The following ZNF678 variants were observed in gnomAD, a reference collection of about 807,000 sequenced individuals.
ZNF678 encodes the protein hypothetical protein MGC42493.
In ZNF678, 5 loss-of-function variants were observed where a neutral mutation model predicts 3.0. The observed-to-expected ratio is 1.69, with a 90% CI of 0.88 to 3.56. The LOEUF (loss-of-function observed/expected upper bound fraction) is 3.56. Ranked by LOEUF, ZNF678 falls within the 30% of genes most tolerant of loss-of-function variation. The pLI, the probability that ZNF678 is intolerant of heterozygous loss-of-function variation, is 0.00. For missense variants in ZNF678, 593 were observed against 605.0 expected, an observed-to-expected ratio of 0.98 and a Z score of 0.21; for synonymous variants, 218 against 199.6, an observed-to-expected ratio of 1.09 and a Z score of -0.78.
intron 1 of ZNF678, among the ~76,000 whole-genome samples, chr1:227,625,991 C>G (rs1427265464): frequency 6.6e-6 from 1 of 152,048 alleles, no homozygotes; most frequent in Non-Finnish European, 1.5e-5. Flanking sequence ...GTGGGGTTTC[C>G]TTTAGAAAAA....
intron 1 of ZNF678, among the ~76,000 whole-genome samples, chr1:227,615,598 A>G (rs988515607): frequency 2.6e-5 from 4 of 152,044 alleles, no homozygotes; most frequent in African/African-American, 7.2e-5. Context: ...CATTTAACTC[A>G]TTTTACTTCC....
chr1:227,586,645 C>G (rs1657270335), intron 1 of ZNF678, among the ~76,000 whole-genome samples: 1 of 152,162 alleles, frequency 6.6e-6, no homozygotes, highest in South Asian at 2.1e-4. Context: ...ACAAAACTTT[C>G]AAAATCTCTG....
intron 1 of ZNF678, among the ~76,000 whole-genome samples, chr1:227,628,018 TC>T: frequency 6.6e-6 from 1 of 152,350 alleles, no homozygotes; most frequent in East Asian, 1.9e-4. Context: ...CACTGGCCCT[TC>T]AAGTGATAGA....
chr1:227,579,639 C>T (rs1571861863), intron 1 of ZNF678, among the ~76,000 whole-genome samples: 1 of 152,122 alleles, frequency 6.6e-6, no homozygotes, highest in East Asian at 1.9e-4. Flanking sequence ...GGTCATCTCG[C>T]TGGAGGTCTT....
intron 1 of ZNF678, among the ~76,000 whole-genome samples, chr1:227,582,127 A>G (rs1657144506): frequency 6.6e-6 from 1 of 152,030 alleles, no homozygotes; most frequent in African/African-American, 2.4e-5. Context: ...TAATTTGCAA[A>G]TACTCTATAC....
At chr1:227,671,573 A>T (rs1412011887) in intron 5 of ZNF678, among the ~76,000 whole-genome samples, 4 of 152,170 alleles carry the variant, frequency 2.6e-5, no homozygotes, top group Non-Finnish European at 5.9e-5. Context: ...TTGCAGGGTG[A>T]TGTTCCCTGA....
chr1:227,578,220 A>T (rs1657035449), intron 1 of ZNF678, among the ~76,000 whole-genome samples: 1 of 152,264 alleles, frequency 6.6e-6, no homozygotes, highest in Non-Finnish European at 1.5e-5. Flanking sequence ...TGTCTTAAAG[A>T]TGATCTTGTT....
chr1:227,565,836 T>G (rs1322515738), intron 1 of ZNF678, among the ~76,000 whole-genome samples: 1 of 152,172 alleles, frequency 6.6e-6, no homozygotes, highest in Non-Finnish European at 1.5e-5. Context: ...CTTGGCTCAC[T>G]GCAAGCTCCG....
In ZNF678 at chr1:227,593,411, G is replaced by A. The variant is rs1657470398; in HGVS notation, c.-164+29687G>A. On this transcript the variant is annotated intron_variant, in intron 1 of 3. Coordinates refer to ENST00000343776, the MANE Select transcript of ZNF678 (RefSeq NM_001367909.1). ...TTTAGGAAATTACAAAAACCGGTTGGGGCAGTCCATCCTTGCCCTTTAGTG... is the reference window on the plus strand; with the variant it reads ...TTTAGGAAATTACAAAAACCGGTTGAGGCAGTCCATCCTTGCCCTTTAGTG... Among the ~76,000 whole-genome samples, 3 of 152,214 alleles carry A rather than the reference G, an allele frequency of 2.0e-5. No homozygotes were observed. In the South Asian group the frequency reaches 6.2e-4, roughly 32 times the overall value.
intron 3 of ZNF678, among the ~76,000 whole-genome samples, chr1:227,652,504 C>T (rs1659114050): frequency 6.6e-6 from 1 of 152,018 alleles, no homozygotes; most frequent in African/African-American, 2.4e-5. Context: ...TTATTGGATT[C>T]TTGTAGCCAT....
In ZNF678 at chr1:227,652,742, ATTG is replaced by A. The variant is rs377046773; in HGVS notation, c.86-1588_86-1586del. Among the ~76,000 whole-genome samples, 428 of 152,232 alleles carry A rather than the reference ATTG, an allele frequency of 2.8e-3. 4 individuals carry two copies. Among genetic ancestry groups the A allele is most frequent in the African/African-American group, 1.0e-2 (415 of 41,568 alleles). On this transcript the variant is annotated intron_variant, in intron 3 of 3. Coordinates refer to ENST00000343776, the MANE Select transcript of ZNF678 (RefSeq NM_001367909.1). The stretch of plus-strand genomic sequence containing the variant: ...ATTATAGAGACATCAACAGATGTTT[ATTG>A]TTGTTCTTATGCATATTTCAAATTG...
intron 1 of ZNF678, chr1:227,599,143 C>T (rs1206362121): frequency 3.0e-6 from 4 of 1,335,260 alleles, no homozygotes; most frequent in Non-Finnish European, 4.3e-6. Context: ...GGATGTAGAA[C>T]ATATTCCTCC....
At position 227,655,941 on chromosome 1, in the gene ZNF678, T is replaced by A; in HGVS notation, c.*113T>A. On this transcript the variant is annotated 3_prime_UTR_variant, in exon 4 of 4. Transcript: ENST00000343776. ...ATGTAAGCTTCAGAGTGCACAACACTATACTGAATGAAATTTATAAATATA... is the reference window on the plus strand; with the variant it reads ...ATGTAAGCTTCAGAGTGCACAACACAATACTGAATGAAATTTATAAATATA... 2 of 743,614 alleles carry A rather than the reference T, an allele frequency of 2.7e-6. No homozygotes were observed. The highest frequency in any genetic ancestry group is 4.1e-6 in the Non-Finnish European group (2 of 491,040). The allele number at this position is 743,614 out of a possible 1,614,324, so 46.1% of individuals were successfully genotyped here.
chr1:227,585,960 A>G (rs775466862), intron 1 of ZNF678, among the ~76,000 whole-genome samples: 8 of 152,236 alleles, frequency 5.3e-5, no homozygotes, highest in Non-Finnish European at 1.0e-4. Flanking sequence ...CACAAAGCCT[A>G]GGGAGGGAGG....
intron 1 of ZNF678, among the ~76,000 whole-genome samples, chr1:227,631,401 C>T (rs1658544537): frequency 6.6e-6 from 1 of 152,158 alleles, no homozygotes; most frequent in African/African-American, 2.4e-5. Flanking sequence ...ATTGCCTTTG[C>T]ACTCAGGGAT....
chr1:227,607,364 C>CTA (rs1444008588), intron 1 of ZNF678, among the ~76,000 whole-genome samples: 1 of 152,096 alleles, frequency 6.6e-6, no homozygotes, highest in East Asian at 1.9e-4. Context: ...AACTTCATAC[C>CTA]TACCACTCAG....
chr1:227,602,986 A>C (rs1657772921), intron 1 of ZNF678, among the ~76,000 whole-genome samples: 1 of 152,208 alleles, frequency 6.6e-6, no homozygotes, highest in African/African-American at 2.4e-5. Context: ...CAGCCTGGGC[A>C]ACATACCAAG....
At chr1:227,607,989 A>T (rs1004406833) in intron 1 of ZNF678, among the ~76,000 whole-genome samples, 12 of 151,720 alleles carry the variant, frequency 7.9e-5, no homozygotes, top group Non-Finnish European at 1.6e-4. Flanking sequence ...GATTAGTTAG[A>T]AAGATAGACA....
At chr1:227,581,805 G>A (rs529240442) in intron 1 of ZNF678, among the ~76,000 whole-genome samples, 7 of 152,158 alleles carry the variant, frequency 4.6e-5, no homozygotes, top group African/African-American at 9.7e-5. Context: ...TAGGTTATGC[G>A]TATGTTCAGC....
Sources: gnomAD v4.1 joint callset for allele counts (sites outside exome capture counted in the v4.1 genomes callset) on GRCh38, gnomAD v4.1.1 for gene constraint, MANE v1.5 for transcripts, NCBI Gene and HGNC (gene_info 2026-07-23, HGNC 2026-07-21) for gene names.